Variants in PRKN observed in about 807,000 individuals in gnomAD.
The protein encoded by PRKN is E3 ubiquitin-protein ligase parkin.
In PRKN, 56 loss-of-function variants were observed where a neutral mutation model predicts 59.5. That is an observed-to-expected ratio of 0.94 (90% CI 0.76 to 1.18). The LOEUF (loss-of-function observed/expected upper bound fraction) is 1.18. Among genes scored for constraint, PRKN ranks in the 50% most tolerant of loss-of-function variants. The pLI, the probability that PRKN is intolerant of heterozygous loss-of-function variation, is 0.00. For synonymous variants in PRKN, 250 were observed against 222.1 expected (o/e 1.13, Z -1.12); for missense variants, 657 against 596.4 (o/e 1.10, Z -1.06).
At chr6:162,079,200 G>A (rs766319303) in intron 4 of PRKN, among the ~76,000 whole-genome samples, 39 of 152,164 alleles carry the variant, frequency 2.6e-4, no homozygotes, top group African/African-American at 8.0e-4. Context: ...AAGGTGTAGC[G>A]GAACACGAAT....
chr6:161,600,157 T>C (rs1264126806), intron 7 of PRKN, among the ~76,000 whole-genome samples: 2 of 152,242 alleles, frequency 1.3e-5, no homozygotes, highest in Admixed American at 1.3e-4. Flanking sequence ...CTAATTTTTA[T>C]TCCTTACTTG....
intron 5 of PRKN, among the ~76,000 whole-genome samples, chr6:162,017,437 C>T (rs1435437661): frequency 6.6e-6 from 1 of 152,026 alleles, no homozygotes; most frequent in African/African-American, 2.4e-5. Flanking sequence ...ATATTAAGTG[C>T]CCCATAAATC....
At chr6:161,825,940 G>A (rs777256971) in intron 6 of PRKN, among the ~76,000 whole-genome samples, 30 of 152,116 alleles carry the variant, frequency 2.0e-4, no homozygotes, top group Admixed American at 4.6e-4. Flanking sequence ...AGAATGCTTC[G>A]AGTTGCTTCT....
intron 5 of PRKN, among the ~76,000 whole-genome samples, chr6:161,976,705 C>A (rs1025608670): frequency 6.6e-6 from 1 of 152,132 alleles, no homozygotes; most frequent in Admixed American, 6.5e-5. Flanking sequence ...GAGCTAGCTA[C>A]GACTGGTTTT....
intron 1 of PRKN, among the ~76,000 whole-genome samples, chr6:162,558,250 T>G (rs1779690823): frequency 6.6e-6 from 1 of 152,180 alleles, no homozygotes; most frequent in African/African-American, 2.4e-5. Context: ...ATAGCCTTCA[T>G]TACTTCAAAC....
At chr6:162,664,364 A>T (rs1415509146) in intron 1 of PRKN, among the ~76,000 whole-genome samples, 1 of 152,134 alleles carries the variant, frequency 6.6e-6, no homozygotes, top group Non-Finnish European at 1.5e-5. Context: ...ACGTGTACAT[A>T]TGTCTTTATA....
intron 5 of PRKN, among the ~76,000 whole-genome samples, 200 bp from the exon 6 acceptor site, chr6:161,973,617 C>G (rs1780911120): frequency 6.6e-6 from 1 of 152,132 alleles, no homozygotes; most frequent in Non-Finnish European, 1.5e-5. Context: ...TTTAGAAGGG[C>G]CCTGAGTCTC....
intron 6 of PRKN, among the ~76,000 whole-genome samples, chr6:161,814,202 G>C (rs1371618195): frequency 6.6e-6 from 1 of 152,190 alleles, no homozygotes; most frequent in Non-Finnish European, 1.5e-5. Flanking sequence ...TGTGCTGTGA[G>C]TGAATTAATA....
intron 6 of PRKN, among the ~76,000 whole-genome samples, chr6:161,960,506 T>C (rs2128248378): frequency 6.6e-6 from 1 of 152,364 alleles, no homozygotes; most frequent in African/African-American, 2.4e-5. Context: ...ATCACCTACA[T>C]AGTCACACAT....
intron 4 of PRKN, among the ~76,000 whole-genome samples, chr6:162,114,737 T>G (rs1261998541): frequency 6.7e-6 from 1 of 150,240 alleles, no homozygotes; most frequent in Admixed American, 6.6e-5. Context: ...AAAAAACACA[T>G]GAAAAAATGC....
chr6:161,956,633 G>C (rs143385437), intron 6 of PRKN, among the ~76,000 whole-genome samples: 1 of 152,200 alleles, frequency 6.6e-6, no homozygotes, highest in Non-Finnish European at 1.5e-5. Flanking sequence ...TAAATGTTCT[G>C]AAATTTATTC....
chr6:162,387,630 T>C (rs1361473215), intron 2 of PRKN, among the ~76,000 whole-genome samples: 5 of 143,646 alleles, frequency 3.5e-5, no homozygotes, highest in African/African-American at 1.3e-4. Context: ...TGTCTGCAAA[T>C]AGTCCCTAAG....
Position 162,289,990 on chromosome 6 carries a change from A to C in PRKN, c.172-27225T>G, listed in dbSNP as rs149407820. The stretch of plus-strand genomic sequence containing the variant: ...TTCTTTCCTTCTGAGAGTGGAAATG[A>C]GGGCTTGTGAGAAAGTTGAAAAATA... On this transcript the variant is annotated intron_variant, in intron 2 of 11. Transcript: ENST00000366898. Among the ~76,000 whole-genome samples the C allele has an allele frequency of 2.1e-3, 313 of 152,268 alleles. 1 individual carries two copies. The highest frequency in any genetic ancestry group is 3.6e-3 in the Non-Finnish European group (244 of 68,028).
At chr6:161,826,634 C>T (rs1036191669) in intron 6 of PRKN, among the ~76,000 whole-genome samples, 1 of 152,180 alleles carries the variant, frequency 6.6e-6, no homozygotes, top group Admixed American at 6.5e-5. Context: ...CCAGTCAGTT[C>T]TAGACAGATG....
chr6:161,595,977 T>C (rs1781898406), intron 7 of PRKN, among the ~76,000 whole-genome samples: 1 of 152,170 alleles, frequency 6.6e-6, no homozygotes, highest in Non-Finnish European at 1.5e-5. Flanking sequence ...GCAACTAATG[T>C]TGTCCTGTGG....
At chr6:162,468,091 T>C (rs771584488) in intron 1 of PRKN, among the ~76,000 whole-genome samples, 4 of 152,190 alleles carry the variant, frequency 2.6e-5, no homozygotes, top group Non-Finnish European at 5.9e-5. Context: ...ACTTACTCTT[T>C]GTTAAATGTA....
rs139415319 is a variant in PRKN at position 162,119,245 on chromosome 6, G to A, written c.535-65071C>T. Reference sequence around the variant, plus strand: ...TTCCAAAGCACTGCAGGAAGTGCTCGGTAATCCTGCAATTGGCACAAAGTC... The same window carrying A: ...TTCCAAAGCACTGCAGGAAGTGCTCAGTAATCCTGCAATTGGCACAAAGTC... On this transcript the variant is annotated intron_variant, in intron 4 of 11. Transcript: ENST00000366898. 4.5e-4 allele frequency among the ~76,000 whole-genome samples: 68 copies of A among 152,210 alleles called. 2 individuals are homozygous for A. Among genetic ancestry groups the A allele is most frequent in the African/African-American group, 1.6e-3 (66 of 41,540 alleles).
At chr6:162,694,699 T>C (rs1453381733) in intron 1 of PRKN, 1 of 152,256 alleles carries the variant, frequency 6.6e-6, no homozygotes, top group Non-Finnish European at 1.5e-5. Context: ...TAAAGAACTG[T>C]TTAACTCAAT....
At chr6:162,064,925 A>C (rs1021253090) in intron 4 of PRKN, among the ~76,000 whole-genome samples, 3 of 152,206 alleles carry the variant, frequency 2.0e-5, no homozygotes, top group African/African-American at 7.2e-5. Flanking sequence ...CCCCACAGAA[A>C]ACAATTTGAA....
Sources: gnomAD v4.1 joint callset for allele counts (sites outside exome capture counted in the v4.1 genomes callset) on GRCh38, gnomAD v4.1.1 for gene constraint, MANE v1.5 for transcripts, NCBI Gene and HGNC (gene_info 2026-07-23, HGNC 2026-07-21) for gene names.